Variants in PRKN observed in about 807,000 individuals in gnomAD.
PRKN encodes E3 ubiquitin-protein ligase parkin.
PRKN carries 56 observed loss-of-function variants against 59.5 expected under a neutral mutation model. The observed-to-expected ratio is 0.94, with a 90% CI of 0.76 to 1.18. The LOEUF is 1.18. PRKN is among the 50% of genes most tolerant of loss of function. PRKN has a pLI of 0.00. For missense variants in PRKN, 657 were observed against 596.4 expected, an observed-to-expected ratio of 1.10 and a Z score of -1.06; for synonymous variants, 250 against 222.1, an observed-to-expected ratio of 1.13 and a Z score of -1.12.
intron 2 of PRKN, among the ~76,000 whole-genome samples, chr6:162,433,851 A>G (rs1040542306): frequency 6.6e-6 from 1 of 152,232 alleles, no homozygotes; most frequent in African/African-American, 2.4e-5. Flanking sequence ...TCAAAAGCCC[A>G]CATATTTGAA....
chr6:161,626,512 G>A (rs1783095691), intron 7 of PRKN, among the ~76,000 whole-genome samples: 1 of 152,186 alleles, frequency 6.6e-6, no homozygotes, highest in African/African-American at 2.4e-5. Flanking sequence ...GAGTCCTAGG[G>A]CACATGTGGT....
chr6:162,305,422 T>C (rs1782177152), intron 2 of PRKN, among the ~76,000 whole-genome samples: 2 of 152,166 alleles, frequency 1.3e-5, no homozygotes, highest in South Asian at 2.1e-4. Flanking sequence ...TTTTTTAAAG[T>C]TGTGAGTATG....
intron 9 of PRKN, among the ~76,000 whole-genome samples, chr6:161,493,134 T>C (rs1218523187): frequency 6.6e-6 from 1 of 152,222 alleles, no homozygotes; most frequent in Non-Finnish European, 1.5e-5. Context: ...TTCTTGGTCA[T>C]ATTATAAGAG....
Position 162,288,000 on chromosome 6 carries a change from A to G in PRKN, c.172-25235T>C, listed in dbSNP as rs368612431. Among the ~76,000 whole-genome samples, 101 of 152,286 alleles carry G rather than the reference A, an allele frequency of 6.6e-4. 2 individuals carry two copies. The South Asian group carries it at 0.019, about 29-fold the overall frequency. On this transcript the variant is annotated intron_variant, in intron 2 of 11. Transcript: ENST00000366898. ...CCACAATTTTCCCACTGCATTTCCC[A>G]GGCCAAATGCCTCAGGTTCTGTCTT...
At chr6:162,614,223 T>C (rs969008965) in intron 1 of PRKN, among the ~76,000 whole-genome samples, 13 of 152,026 alleles carry the variant, frequency 8.6e-5, no homozygotes, top group Admixed American at 8.5e-4. Context: ...ATCACCCAGT[T>C]AGTTACTAGG....
rs397741750 is a variant in PRKN at position 161,417,448 on chromosome 6, C to CAAA, written c.1084-30574_1084-30572dup. ...CTGGCAACAGAGCCAGACGCCGTTT[C>CAAA]AAAAAAAAAAAAAAAAAGTCATCTA... On this transcript the variant is annotated intron_variant, in intron 9 of 11. Transcript: ENST00000366898. This position sits in a 1 kb window ranked among gnomAD's most constrained non-coding sequence, Gnocchi z 5.4. 0.086 allele frequency among the ~76,000 whole-genome samples: 9,661 copies of CAAA among 112,694 alleles called. 423 individuals are homozygous for CAAA. The highest frequency in any genetic ancestry group is 0.15 in the African/African-American group (4,095 of 27,856). The allele number at this position is 112,694 out of a possible 152,430, so 73.9% of individuals were successfully genotyped here. A position where few individuals can be genotyped will look rare whatever the true frequency, so the allele number is the denominator to read the frequency against.
chr6:162,416,419 G>T (rs1186956759), intron 2 of PRKN, among the ~76,000 whole-genome samples: 1 of 152,176 alleles, frequency 6.6e-6, no homozygotes, highest in East Asian at 1.9e-4. Flanking sequence ...TCTGTGCCAA[G>T]AAGAAAACTA....
At chr6:162,036,055 T>G (rs1783825987) in intron 5 of PRKN, among the ~76,000 whole-genome samples, 2 of 152,096 alleles carry the variant, frequency 1.3e-5, no homozygotes, top group African/African-American at 4.8e-5. Context: ...CCGGGCGCGG[T>G]GGCTCACGCC....
intron 1 of PRKN, among the ~76,000 whole-genome samples, chr6:162,716,530 T>A (rs1023298438): frequency 6.6e-6 from 1 of 152,192 alleles, no homozygotes; most frequent in Non-Finnish European, 1.5e-5. Flanking sequence ...CTTTGCCTGA[T>A]CATCTGTTAT....
At chr6:162,612,087 G>A (rs1782200766) in intron 1 of PRKN, among the ~76,000 whole-genome samples, 1 of 150,908 alleles carries the variant, frequency 6.6e-6, no homozygotes, top group South Asian at 2.1e-4. Context: ...CAGCTACTCG[G>A]GAGGCTGAGG....
intron 1 of PRKN, among the ~76,000 whole-genome samples, chr6:162,633,113 T>G (rs899918937): frequency 2.0e-5 from 3 of 151,852 alleles, no homozygotes; most frequent in Non-Finnish European, 4.4e-5. Flanking sequence ...CTAGATGAGC[T>G]ATAAAATCAC....
At chr6:162,671,997 G>T (rs1418964342) in intron 1 of PRKN, among the ~76,000 whole-genome samples, 1 of 152,040 alleles carries the variant, frequency 6.6e-6, no homozygotes, top group Non-Finnish European at 1.5e-5. Context: ...TGGCAGAGCA[G>T]TGGTGCCCAT....
chr6:162,490,452 AC>A (rs1283155311), intron 1 of PRKN, among the ~76,000 whole-genome samples: 4 of 152,222 alleles, frequency 2.6e-5, no homozygotes, highest in African/African-American at 9.6e-5. Flanking sequence ...AGTCAGTGCA[AC>A]AAAAAATAAC....
chr6:161,531,657 C>T (rs547412759), intron 9 of PRKN, among the ~76,000 whole-genome samples: 43 of 152,068 alleles, frequency 2.8e-4, no homozygotes, highest in Non-Finnish European at 5.6e-4. Context: ...ACGCTGCAAA[C>T]GTGTAGGGGA....
chr6:162,568,744 A>G, intron 1 of PRKN: 2 of 753,906 alleles, frequency 2.7e-6, no homozygotes, highest in Middle Eastern at 3.3e-4. Flanking sequence ...AGCTACATCA[A>G]CAACCCTAGG....
At chr6:162,590,610 A>G (rs118040182) in intron 1 of PRKN, among the ~76,000 whole-genome samples, 1 of 151,304 alleles carries the variant, frequency 6.6e-6, no homozygotes, top group Non-Finnish European at 1.5e-5. Flanking sequence ...GTTTCACTAA[A>G]GCCCACATCA....
chr6:161,609,352 T>TC (rs1782403246), intron 7 of PRKN, among the ~76,000 whole-genome samples: 1 of 152,212 alleles, frequency 6.6e-6, no homozygotes, highest in African/African-American at 2.4e-5. Context: ...TGATACAAAG[T>TC]CTTTCAGAGT....
At position 161,410,506 on chromosome 6, in the gene PRKN, T is replaced by C. The variant is rs1315331777; in HGVS notation, c.1084-23629A>G. Among the ~76,000 whole-genome samples the C allele has an allele frequency of 6.6e-6, 1 of 152,104 alleles. No homozygotes were observed. The highest frequency in any genetic ancestry group is 1.5e-5 in the Non-Finnish European group (1 of 68,022). On this transcript the variant is annotated intron_variant, in intron 9 of 11. Coordinates refer to ENST00000366898, the MANE Select transcript of PRKN (RefSeq NM_004562.3). The surrounding 1 kb of genome is among the most constrained non-coding windows in gnomAD (Gnocchi z 5.3). ...GAGCTTTTCAGGTTTCACAGCAAGC[T>C]CTTGGTCCCCTAAGGCCCTGCTCCT...
intron 9 of PRKN, among the ~76,000 whole-genome samples, chr6:161,539,662 C>A (rs1259619913): frequency 6.6e-6 from 1 of 152,198 alleles, no homozygotes; most frequent in African/African-American, 2.4e-5. Flanking sequence ...TAACCATCAA[C>A]TACATGTTCA....
Sources: allele counts gnomAD v4.1 joint callset (sites outside exome capture counted in the v4.1 genomes callset), GRCh38; gene constraint gnomAD v4.1.1; non-coding constraint Gnocchi (gnomAD v3.1); transcripts MANE v1.5; gene names NCBI Gene and HGNC (gene_info 2026-07-23, HGNC 2026-07-21).